The following ABLIM1 variants were observed in gnomAD, a reference collection of about 807,000 sequenced individuals.
The protein encoded by ABLIM1 is actin-binding LIM protein 1.
Under a neutral mutation model 107.0 loss-of-function variants are expected in ABLIM1, and 40 were observed. The observed-to-expected ratio is 0.37, with a 90% CI of 0.29 to 0.49. The LOEUF is 0.49. ABLIM1 is among the 20% of genes least tolerant of loss of function. The pLI is 0.97. For synonymous variants in ABLIM1, 357 were observed against 357.3 expected, an observed-to-expected ratio of 1.00 and a Z score of 0.01; for missense variants, 857 against 1,008.5, an observed-to-expected ratio of 0.85 and a Z score of 2.04.
intron 1 of ABLIM1, among the ~76,000 whole-genome samples, chr10:114,758,748 G>A (rs2082683550): frequency 6.6e-6 from 1 of 152,092 alleles, no homozygotes; most frequent in Non-Finnish European, 1.5e-5. Flanking sequence ...AGAAAGAAAA[G>A]TATCAGTAAA....
At chr10:114,729,648 G>C (rs2082032129) in intron 1 of ABLIM1, among the ~76,000 whole-genome samples, 1 of 152,104 alleles carries the variant, frequency 6.6e-6, no homozygotes, top group South Asian at 2.1e-4. Flanking sequence ...ACCCACGACT[G>C]AGAAAATGAG....
chr10:114,670,660 T>C (rs1052019203), intron 1 of ABLIM1, among the ~76,000 whole-genome samples: 2 of 152,116 alleles, frequency 1.3e-5, no homozygotes, highest in African/African-American at 4.8e-5. Flanking sequence ...GCCCAGCTAA[T>C]TTTTGTATTT....
At chr10:114,763,745 C>A (rs965832321) in intron 1 of ABLIM1, among the ~76,000 whole-genome samples, 5 of 152,118 alleles carry the variant, frequency 3.3e-5, no homozygotes, top group African/African-American at 1.2e-4. Flanking sequence ...GCAGGATGAT[C>A]CAGACCCGGC....
intron 1 of ABLIM1, among the ~76,000 whole-genome samples, chr10:114,703,766 A>G (rs1318959942): frequency 6.6e-6 from 1 of 152,230 alleles, no homozygotes; most frequent in East Asian, 1.9e-4. Context: ...TTCAATTAAA[A>G]TAGTTTATCA....
intron 1 of ABLIM1, among the ~76,000 whole-genome samples, chr10:114,608,508 G>C (rs1387213990): frequency 2.0e-5 from 3 of 149,860 alleles, no homozygotes; most frequent in Non-Finnish European, 4.4e-5. Context: ...TGTCTCTACT[G>C]AAAATACAAA....
chr10:114,440,017 G>A lies in ABLIM1; in HGVS notation c.2067+65C>T, dbSNP rs113670797. ...AGAAACTGTTGCCTTGGAGCCAGCA[G>A]TCTGGGTTGGAACATGGCTGTTCTA... On this transcript the variant is annotated intron_variant, in intron 20 of 22. Transcript: ENST00000533213. 6.8e-6 allele frequency: 11 copies of A among 1,612,792 alleles called. No homozygotes were observed. The Admixed American group carries it at 1.7e-4, about 24-fold the overall frequency.
chr10:114,473,816 C>G, intron 9 of ABLIM1, 63 bp downstream of exon 9: 1 of 1,288,306 alleles, frequency 7.8e-7, no homozygotes, highest in Non-Finnish European at 1.1e-6. Flanking sequence ...ATTACCCATT[C>G]TGCTATTACA....
At chr10:114,687,698 C>G (rs1231488399), upstream of ABLIM1, among the ~76,000 whole-genome samples, 1 of 152,186 alleles carries the variant, frequency 6.6e-6, no homozygotes, top group Non-Finnish European at 1.5e-5. Flanking sequence ...TGAAAAATAG[C>G]AGATATCAGT....
At position 114,657,970 on chromosome 10, in the gene ABLIM1, G is replaced by A. The variant is rs373609224; in HGVS notation, c.231C>T (p.Ser77=). 13 of 1,612,470 alleles carry A rather than the reference G, an allele frequency of 8.1e-6. No homozygotes were observed. The highest frequency in any genetic ancestry group is 3.3e-5 in the South Asian group (3 of 90,956). ...DYCPRGRVCN[S]VDPFVAHPQD... is the part of the protein sequence containing the mutation. ...TATTTTACTTACCAAAAGGATCAAC[G>A]CTGTTACATACACGCCCACGTGGGC... The change falls in exon 1 of 23, where the codon AGC becomes AGT. Residue 77 remains serine (S), a synonymous_variant. Coordinates refer to ENST00000533213, the MANE Select transcript of ABLIM1 (RefSeq NM_002313.7).
At chr10:114,520,775 C>T (rs2063615310) in intron 6 of ABLIM1, among the ~76,000 whole-genome samples, 1 of 151,976 alleles carries the variant, frequency 6.6e-6, no homozygotes, top group Non-Finnish European at 1.5e-5. Context: ...GTTAAGAGAG[C>T]AGCCTGGGCA....
chr10:114,488,301 G>A (rs180918875), intron 7 of ABLIM1, among the ~76,000 whole-genome samples: 69 of 151,884 alleles, frequency 4.5e-4, no homozygotes, highest in African/African-American at 1.5e-3. Context: ...GTTCTTAATC[G>A]TGTCTTGTTA....
intron 1 of ABLIM1, among the ~76,000 whole-genome samples, chr10:114,648,799 A>G (rs1367186670): frequency 6.6e-6 from 1 of 152,198 alleles, no homozygotes; most frequent in African/African-American, 2.4e-5. Flanking sequence ...ACTACCTGGT[A>G]GGGAGACACG....
chr10:114,603,163 G>C (rs745526847), intron 1 of ABLIM1, among the ~76,000 whole-genome samples: 5 of 152,112 alleles, frequency 3.3e-5, no homozygotes, highest in Non-Finnish European at 7.4e-5. Flanking sequence ...GGTTGAGCAG[G>C]GGGTAGATGT....
At chr10:114,516,231 A>G (rs565128178) in intron 6 of ABLIM1, among the ~76,000 whole-genome samples, 50 of 152,218 alleles carry the variant, frequency 3.3e-4, no homozygotes, top group Admixed American at 2.0e-3. Context: ...TAAACATAAA[A>G]AATGTTTTGC....
At chr10:114,789,653 A>G in the ABLIM1 span, among the ~76,000 whole-genome samples, 2 of 151,942 alleles carry the variant, frequency 1.3e-5, no homozygotes, top group Admixed American at 6.6e-5. Context: ...TGTAGTTTTG[A>G]TTTACATTGC....
intron 2 of ABLIM1, among the ~76,000 whole-genome samples, chr10:114,594,808 T>C (rs1012365555): frequency 2.0e-5 from 3 of 152,188 alleles, no homozygotes; most frequent in African/African-American, 7.2e-5. Flanking sequence ...AACATATGGT[T>C]ATTGTTCATT....
chr10:114,490,964 C>T (rs1187038364), intron 7 of ABLIM1, among the ~76,000 whole-genome samples: 4 of 128,004 alleles, frequency 3.1e-5, no homozygotes, highest in Admixed American at 8.2e-5. Flanking sequence ...CCACCACGCC[C>T]GGCATATATA....
chr10:114,485,470 C>A, intron 8 of ABLIM1: 1 of 1,203,782 alleles, frequency 8.3e-7, no homozygotes, highest in Non-Finnish European at 1.1e-6. Context: ...AAAACAACAA[C>A]CACCTTAGGT....
At chr10:114,464,249 C>G (rs4282915) in intron 12 of ABLIM1, among the ~76,000 whole-genome samples, 143,723 of 150,764 alleles carry the variant, frequency 0.95, 68,576 homozygotes, top group East Asian at 1. Flanking sequence ...GCAATGGCGC[C>G]ATCTTGGCTC....
Sources: allele counts gnomAD v4.1 joint callset (sites outside exome capture counted in the v4.1 genomes callset), GRCh38; gene constraint gnomAD v4.1.1; transcripts MANE v1.5; gene names NCBI Gene and HGNC (gene_info 2026-07-23, HGNC 2026-07-21).